MICAL3: variants seen among roughly 807,000 people sequenced by gnomAD.
The protein encoded by MICAL3 is [F-actin]-monooxygenase MICAL3.
MICAL3 carries 62 observed loss-of-function variants against 207.4 expected under a neutral mutation model. The ratio of observed to expected loss-of-function variants is 0.30; its 90% CI spans 0.24 to 0.37. The LOEUF (loss-of-function observed/expected upper bound fraction) is 0.37, where lower values mean the gene tolerates loss of function less well. MICAL3 is among the 10% of genes least tolerant of loss of function. The probability of loss-of-function intolerance (pLI) is 1.00; values close to 1 mark genes in which losing one functional copy is unlikely to be tolerated. For missense variants in MICAL3, 2,368 were observed against 2,635.6 expected, an observed-to-expected ratio of 0.90 and a Z score of 2.22; for synonymous variants, 1,077 against 1,069.3, an observed-to-expected ratio of 1.01 and a Z score of -0.14.
At chr22:17,951,714 TGA>T (rs71317110) in intron 1 of MICAL3, among the ~76,000 whole-genome samples, 3 of 151,656 alleles carry the variant, frequency 2.0e-5, no homozygotes, top group Non-Finnish European at 1.5e-5. Context: ...TTTTTTTTTT[TGA>T]GACAGGGTCT....
At chr22:17,959,054 T>C (rs1473843887) in intron 1 of MICAL3, among the ~76,000 whole-genome samples, 5 of 134,938 alleles carry the variant, frequency 3.7e-5, no homozygotes, top group East Asian at 4.5e-4. Flanking sequence ...CTCGCTCTGT[T>C]GCCCAGGCTG....
intron 1 of MICAL3, among the ~76,000 whole-genome samples, chr22:17,984,894 A>C (rs1936084227): frequency 6.6e-6 from 1 of 152,222 alleles, no homozygotes; most frequent in African/African-American, 2.4e-5. Context: ...GCCACAACTC[A>C]ACCCCAGGCA....
chr22:17,803,203 T>G (rs1448737002), intron 29 of MICAL3, among the ~76,000 whole-genome samples: 2 of 152,144 alleles, frequency 1.3e-5, no homozygotes. Flanking sequence ...GAGCTTTTCC[T>G]GTCTTCACTG....
chr22:17,866,608 C>CAGAAT (rs1327654068), intron 17 of MICAL3, among the ~76,000 whole-genome samples: 7,379 of 122,674 alleles, frequency 0.06, 251 homozygotes, highest in Admixed American at 0.093. Context: ...CAGCATAGAA[C>CAGAAT]AGAACAGAAT....
At chr22:17,811,920 AT>A (rs1264641427) in intron 27 of MICAL3, among the ~76,000 whole-genome samples, 1 of 151,148 alleles carries the variant, frequency 6.6e-6, no homozygotes. Flanking sequence ...AATTAAAACA[AT>A]TTTTTTTTGC....
intron 1 of MICAL3, among the ~76,000 whole-genome samples, chr22:18,015,732 C>A (rs1395178729): frequency 6.6e-6 from 1 of 152,162 alleles, no homozygotes. Flanking sequence ...ATGGCACAGG[C>A]ACACAGATTA....
At chr22:17,791,505 C>T (rs2061824491) in intron 29 of MICAL3, 6 of 592,790 alleles carry the variant, frequency 1.0e-5, no homozygotes, top group Middle Eastern at 4.4e-4. Context: ...TCCTGCCATC[C>T]CTGTTCACCC....
intron 1 of MICAL3, among the ~76,000 whole-genome samples, chr22:17,985,901 TTTTTG>T (rs369475188): frequency 7.9e-5 from 12 of 151,876 alleles, no homozygotes; most frequent in Admixed American, 3.3e-4. Context: ...TCACTCTTGT[TTTTTG>T]TTTTGTTTTG....
At chr22:17,844,333 C>G (rs554222147) in intron 19 of MICAL3, among the ~76,000 whole-genome samples, 1 of 152,284 alleles carries the variant, frequency 6.6e-6, no homozygotes, top group Non-Finnish European at 1.5e-5. Flanking sequence ...GTCCATCAGG[C>G]AAAACCTGGC....
Position 17,864,867 on chromosome 22 carries a change from C to T in MICAL3, c.2605+32G>A, listed in dbSNP as rs759124136. The T allele has an allele frequency of 9.9e-6, 16 of 1,613,778 alleles. No homozygotes were observed. In the South Asian group the frequency reaches 1.2e-4, roughly 12 times the overall value. On this transcript the variant is annotated intron_variant, in intron 19 of 31. Transcript: ENST00000441493. The stretch of plus-strand genomic sequence containing the variant: ...TGTCACAGAGGCCGAGGGAGTGACG[C>T]GCCACCCAGCCAAACAAGGAAGTGA...
intron 16 of MICAL3, among the ~76,000 whole-genome samples, chr22:17,880,794 G>A (rs1022806137): frequency 6.6e-6 from 1 of 152,182 alleles, no homozygotes; most frequent in Non-Finnish European, 1.5e-5. Flanking sequence ...CAGAAGGAAC[G>A]AAACTCACGT....
At chr22:17,868,255 C>T (rs1038333921) in intron 17 of MICAL3, among the ~76,000 whole-genome samples, 1 of 151,684 alleles carries the variant, frequency 6.6e-6, no homozygotes, top group African/African-American at 2.4e-5. Flanking sequence ...GCACAAGTCA[C>T]GTGTACGCAT....
chr22:17,838,540 A>T (rs1923647702), intron 20 of MICAL3, among the ~76,000 whole-genome samples: 1 of 152,166 alleles, frequency 6.6e-6, no homozygotes, highest in East Asian at 1.9e-4. Flanking sequence ...CCTCAAAACA[A>T]ACCTATGAAG....
At chr22:17,870,345 C>A (rs1927591191) in intron 17 of MICAL3, among the ~76,000 whole-genome samples, 1 of 152,138 alleles carries the variant, frequency 6.6e-6, no homozygotes, top group Non-Finnish European at 1.5e-5. Flanking sequence ...TCCTCCTCCC[C>A]TGTGCTTCTA....
At position 18,024,527 on chromosome 22, in the gene MICAL3, G is replaced by C. The variant is rs991718132; in HGVS notation, c.-321C>G. On this transcript the variant is annotated 5_prime_UTR_variant, in exon 1 of 32. Transcript: ENST00000441493. ...CCTGCCTACGCGGGCGCTCCCCGCC[G>C]GGACTCCGCCGGGGCTGCAGGAGCG... The C allele has an allele frequency of 2.6e-5, 4 of 151,828 alleles. No individual in the cohort carries two copies. Among genetic ancestry groups the C allele is most frequent in the African/African-American group, 2.4e-5 (1 of 41,394 alleles). 9.4% of individuals were successfully genotyped at this position (151,828 alleles called of 1,614,324 possible). A position where few individuals can be genotyped will look rare whatever the true frequency, so the allele number is the denominator to read the frequency against.
At chr22:17,952,375 C>T (rs537922170) in intron 1 of MICAL3, among the ~76,000 whole-genome samples, 19 of 152,298 alleles carry the variant, frequency 1.2e-4, no homozygotes, top group Admixed American at 7.8e-4. Flanking sequence ...ATCCAGCCCA[C>T]GGGCCTGTGT....
chr22:17,985,262 C>T (rs553004449), intron 1 of MICAL3, among the ~76,000 whole-genome samples: 5 of 152,126 alleles, frequency 3.3e-5, no homozygotes, highest in South Asian at 4.1e-4. Flanking sequence ...GCAGAATGCC[C>T]GAGCGTGCTG....
intron 1 of MICAL3, among the ~76,000 whole-genome samples, chr22:17,986,976 C>T (rs962398973): frequency 6.6e-6 from 1 of 152,054 alleles, no homozygotes; most frequent in African/African-American, 2.4e-5. Context: ...TGGTGGCTCA[C>T]ATCTGTAATT....
chr22:17,818,513 A>C lies in MICAL3; in HGVS notation c.4148T>G (p.Leu1383Arg), dbSNP rs200728473. The C allele has an allele frequency of 2.7e-5, 43 of 1,613,282 alleles. No individual in the cohort carries two copies. The East Asian group carries it at 8.9e-4, about 33-fold the overall frequency. ...CAGGCCCAGCCTTTTGGGGATGGAC[A>C]GAGGCTTGAGAAGGTGGAGTCCCTC... Reference protein sequence around the residue: ...QDEGLHLLKPLSIPKRLGLPK... With the variant: ...QDEGLHLLKPRSIPKRLGLPK... The change falls in exon 26 of 32, where the codon CTG becomes CGG. Residue 1383 changes from leucine to arginine, a missense_variant. Leu to Arg is a moderately radical substitution (Grantham distance 102). This residue lies in a region of MICAL3 where 1,770 missense variants were observed against 1,863.2 expected (regional missense o/e 0.95). Coordinates refer to ENST00000441493, the MANE Select transcript of MICAL3 (RefSeq NM_015241.3).
Sources: allele counts gnomAD v4.1 joint callset (sites outside exome capture counted in the v4.1 genomes callset), GRCh38; gene constraint gnomAD v4.1.1; regional missense constraint gnomAD v4.1.1; transcripts MANE v1.5; gene names NCBI Gene and HGNC (gene_info 2026-07-23, HGNC 2026-07-21).